The following ADAM23 variants were observed in gnomAD, a reference collection of about 807,000 sequenced individuals.
ADAM23 encodes disintegrin and metalloproteinase domain-containing protein 23.
A neutral mutation model predicts 120.1 loss-of-function variants in ADAM23; 33 were observed. That is an observed-to-expected ratio of 0.27 (90% CI 0.21 to 0.37). The LOEUF (loss-of-function observed/expected upper bound fraction) is 0.37, where lower values mean the gene tolerates loss of function less well. Among genes scored for constraint, ADAM23 ranks in the 10% least tolerant of loss-of-function variants. ADAM23 has a pLI of 1.00. For missense variants in ADAM23, 862 were observed against 1,058.2 expected (o/e 0.81, Z 2.57); for synonymous variants, 367 against 375.2 (o/e 0.98, Z 0.25).
intron 6 of ADAM23, among the ~76,000 whole-genome samples, chr2:206,546,611 G>A (rs1029043111): frequency 2.0e-5 from 3 of 151,998 alleles, no homozygotes; most frequent in African/African-American, 7.2e-5. Context: ...TTCTTGTCAT[G>A]TTTCAGAATA....
intron 3 of ADAM23, among the ~76,000 whole-genome samples, chr2:206,519,616 T>C (rs1290164016): frequency 6.6e-6 from 1 of 152,192 alleles, no homozygotes; most frequent in Non-Finnish European, 1.5e-5. Context: ...CTCTTTCTCT[T>C]CTTGGTAGGT....
intron 3 of ADAM23, among the ~76,000 whole-genome samples, chr2:206,507,744 A>G (rs1324156646): frequency 1.4e-4 from 21 of 152,214 alleles, no homozygotes; most frequent in Admixed American, 1.1e-3. Flanking sequence ...GCCGTAGTCT[A>G]ATACTTTTGT....
chr2:206,596,718 TAGAA>T (rs1175666826), intron 24 of ADAM23, among the ~76,000 whole-genome samples: 1 of 152,108 alleles, frequency 6.6e-6, no homozygotes, highest in African/African-American at 2.4e-5. Context: ...ATTTTGGGAT[TAGAA>T]AGAGACTCAG....
At position 206,593,715 on chromosome 2, in the gene ADAM23, T is replaced by C. The variant is rs570154801; in HGVS notation, c.2078+979T>C. Reference sequence around the variant, plus strand: ...TTTCATGCCTTTAGATAAAATAGCCTTGTTAAATTATATTGTTGTATATAC... The same window carrying C: ...TTTCATGCCTTTAGATAAAATAGCCCTGTTAAATTATATTGTTGTATATAC... On this transcript the variant is annotated intron_variant, in intron 22 of 25. Coordinates refer to ENST00000264377, the MANE Select transcript of ADAM23 (RefSeq NM_003812.4). Among the ~76,000 whole-genome samples the C allele has an allele frequency of 2.6e-5, 4 of 152,268 alleles. No homozygotes were observed. The East Asian group carries it at 7.7e-4, about 29-fold the overall frequency.
chr2:206,588,025 T>C lies in ADAM23; in HGVS notation c.1789-66T>C, dbSNP rs912821824. On this transcript the variant is annotated intron_variant, in intron 19 of 25. Transcript: ENST00000264377. ...ATCCAAGTGAACCAGAAGGAGACAT[T>C]GTAGTAAAAACATTGGGGAAGACAA... The C allele has an allele frequency of 2.4e-5, 36 of 1,531,100 alleles. No homozygotes were observed. The East Asian group carries it at 7.7e-4, about 33-fold the overall frequency. 94.8% of individuals were successfully genotyped at this position (1,531,100 alleles called of 1,614,324 possible). A position where few individuals can be genotyped will look rare whatever the true frequency, so the allele number is the denominator to read the frequency against.
chr2:206,489,884 T>C (rs1696094943), intron 3 of ADAM23, among the ~76,000 whole-genome samples: 1 of 152,200 alleles, frequency 6.6e-6, no homozygotes, highest in Admixed American at 6.5e-5. Flanking sequence ...TTTGTAACTA[T>C]ATGAGGAAAA....
At chr2:206,607,894 A>G in intron 24 of ADAM23, 1 of 400,454 alleles carries the variant, frequency 2.5e-6, no homozygotes, top group South Asian at 1.8e-5. Flanking sequence ...TTTTTTTTTA[A>G]TTTCTCCTTA....
intron 24 of ADAM23, among the ~76,000 whole-genome samples, chr2:206,609,375 A>G (rs986813690): frequency 6.6e-6 from 1 of 152,236 alleles, no homozygotes; most frequent in African/African-American, 2.4e-5. Flanking sequence ...CAAGGCTTCA[A>G]AAGTCAGATC....
chr2:206,557,493 G>A lies in ADAM23; in HGVS notation c.1000G>A (p.Asp334Asn). 1 of 1,610,582 alleles carries A rather than the reference G, an allele frequency of 6.2e-7. No homozygotes were observed. The highest frequency in any genetic ancestry group is 8.5e-7 in the Non-Finnish European group (1 of 1,176,830). ...NFAKSVVNLV[D>N]SIYKEQLNTR... ...TGCAAAGTCCGTGGTCAACCTTGTG[G>A]ATTCTGTAAGTATCCTGGTTTTCTT... is the stretch of plus-strand genomic sequence containing the variant. The change falls in exon 10 of 26, where the codon GAT (aspartate) becomes AAT (asparagine). Residue 334 changes from aspartate (D) to asparagine (N), a missense_variant. Physicochemically the swap from Asp to Asn is conservative, Grantham distance 23 (BLOSUM62 1). Coordinates refer to ENST00000264377, the MANE Select transcript of ADAM23 (RefSeq NM_003812.4).
chr2:206,555,491 T>C (rs1264566309), intron 9 of ADAM23, among the ~76,000 whole-genome samples: 1 of 152,140 alleles, frequency 6.6e-6, no homozygotes, highest in African/African-American at 2.4e-5. Flanking sequence ...TCCCAACAGG[T>C]ATCTCTGTTT....
chr2:206,600,419 T>C (rs774799186), intron 24 of ADAM23, among the ~76,000 whole-genome samples: 4 of 152,152 alleles, frequency 2.6e-5, no homozygotes, highest in Admixed American at 6.5e-5. Flanking sequence ...TTAATTTCAA[T>C]GTGCTTCCAT....
rs188851779 is a variant in ADAM23, at chr2:206,599,148, T to A, written c.2359+2986T>A. Among the ~76,000 whole-genome samples the A allele has an allele frequency of 2.5e-3, 375 of 147,424 alleles. 2 individuals are homozygous for A. Among genetic ancestry groups the A allele is most frequent in the African/African-American group, 9.0e-3 (355 of 39,596 alleles). On this transcript the variant is annotated intron_variant, in intron 24 of 25. Coordinates refer to ENST00000264377, the MANE Select transcript of ADAM23 (RefSeq NM_003812.4). ...TGAACCCAGGAGGTGGAGGTTACAG[T>A]GAGCCGAGATCGTGCCATTGTACTC...
intron 3 of ADAM23, among the ~76,000 whole-genome samples, chr2:206,527,511 G>T (rs1029132381): frequency 3.4e-4 from 51 of 152,144 alleles, no homozygotes; most frequent in African/African-American, 1.2e-3. Context: ...TTACATTTCA[G>T]TTGATGTAAT....
chr2:206,527,234 C>T lies in ADAM23; in HGVS notation c.510-3651C>T, dbSNP rs569974392. ...TAAAATGCCAGTTTATATTTGGGTC[C>T]GCAATTGCTAAATAGATGAGTATTA... On this transcript the variant is annotated intron_variant, in intron 3 of 25. Transcript: ENST00000264377. Among the ~76,000 whole-genome samples the T allele has an allele frequency of 1.4e-4, 22 of 152,238 alleles. No homozygotes were observed. The South Asian group carries it at 3.5e-3, about 24-fold the overall frequency.
intron 3 of ADAM23, among the ~76,000 whole-genome samples, chr2:206,528,009 TA>T (rs2105795638): frequency 6.6e-6 from 1 of 152,346 alleles, no homozygotes; most frequent in African/African-American, 2.4e-5. Flanking sequence ...ATAGGATAAT[TA>T]AAGTGACCTT....
chr2:206,588,493 T>C (rs1375761612), intron 20 of ADAM23, among the ~76,000 whole-genome samples: 5 of 152,178 alleles, frequency 3.3e-5, no homozygotes, highest in African/African-American at 4.8e-5. Context: ...TTTGACCCCC[T>C]TTTTTTCCAT....
At chr2:206,514,864 C>T (rs1696697365) in intron 3 of ADAM23, among the ~76,000 whole-genome samples, 1 of 152,178 alleles carries the variant, frequency 6.6e-6, no homozygotes, top group African/African-American at 2.4e-5. Flanking sequence ...CTGAAGGGCT[C>T]AGGTGATCAT....
intron 10 of ADAM23, among the ~76,000 whole-genome samples, chr2:206,558,629 C>G (rs1031250604): frequency 6.6e-6 from 1 of 152,164 alleles, no homozygotes; most frequent in Admixed American, 6.5e-5. Context: ...CAGAGGAAAA[C>G]CACAAGTGAA....
At chr2:206,573,762 C>T (rs1698056108) in intron 18 of ADAM23, among the ~76,000 whole-genome samples, 1 of 151,950 alleles carries the variant, frequency 6.6e-6, no homozygotes, top group Non-Finnish European at 1.5e-5. Context: ...TCAGTCACCA[C>T]TTATGATGCC....
Sources: allele counts gnomAD v4.1 joint callset (sites outside exome capture counted in the v4.1 genomes callset), GRCh38; gene constraint gnomAD v4.1.1; transcripts MANE v1.5; gene names NCBI Gene and HGNC (gene_info 2026-07-23, HGNC 2026-07-21).